The following KANK1 variants were observed in gnomAD, a reference collection of about 807,000 sequenced individuals.
KANK1 encodes the protein KN motif and ankyrin repeat domains 1, also known as KN motif and ankyrin repeat domain-containing protein 1.
Under a neutral mutation model 106.2 loss-of-function variants are expected in KANK1, and 109 were observed. The observed-to-expected ratio is 1.03, with a 90% CI of 0.88 to 1.20. The LOEUF is 1.20. Among genes scored for constraint, KANK1 ranks in the 50% most tolerant of loss-of-function variants. The pLI, the probability that KANK1 is intolerant of heterozygous loss-of-function variation, is 0.00. For missense variants in KANK1, 2,399 were observed against 1,710.7 expected (o/e 1.40, Z -7.10); for synonymous variants, 873 against 652.2 (o/e 1.34, Z -5.16).
At chr9:624,401 T>G (rs987129939) in intron 1 of KANK1, among the ~76,000 whole-genome samples, 3 of 151,858 alleles carry the variant, frequency 2.0e-5, no homozygotes, top group African/African-American at 7.2e-5. Flanking sequence ...GCAATCTATA[T>G]TTATATCAAA....
intron 2 of KANK1, among the ~76,000 whole-genome samples, chr9:690,718 G>A (rs1008664097): frequency 6.6e-6 from 1 of 152,192 alleles, no homozygotes. Flanking sequence ...AATGGAGCAG[G>A]CTCTCTGGGG....
chr9:734,659 C>G (rs1211925951), intron 6 of KANK1, 89 bp from the exon 7 acceptor site: 8 of 888,132 alleles, frequency 9.0e-6, no homozygotes, highest in Non-Finnish European at 1.4e-5. Context: ...GAGCATGACC[C>G]TGTCTCAAAA....
intron 2 of KANK1, among the ~76,000 whole-genome samples, chr9:705,136 T>C (rs2130587279): frequency 6.6e-6 from 1 of 151,950 alleles, no homozygotes; most frequent in East Asian, 1.9e-4. Context: ...TTAACACTAA[T>C]ATTTAACGAA....
At chr9:500,044 T>G (rs544684183), upstream of KANK1, among the ~76,000 whole-genome samples, 1 of 152,206 alleles carries the variant, frequency 6.6e-6, no homozygotes, top group African/African-American at 2.4e-5. Flanking sequence ...AGAGAACATC[T>G]TTTGCATGGG....
At chr9:620,707 A>G (rs1832949350) in intron 1 of KANK1, among the ~76,000 whole-genome samples, 1 of 152,138 alleles carries the variant, frequency 6.6e-6, no homozygotes, top group African/African-American at 2.4e-5. Flanking sequence ...TTAAAAATTA[A>G]AAAAATTTTT....
chr9:506,064 G>T (rs2058743113), intron 1 of KANK1, among the ~76,000 whole-genome samples: 1 of 152,162 alleles, frequency 6.6e-6, no homozygotes, highest in Non-Finnish European at 1.5e-5. Context: ...TCAAAATTCA[G>T]TGGTTTTTAA....
chr9:528,611 C>G lies in KANK1; in HGVS notation c.-84+23857C>G, dbSNP rs573235991. 9.5e-4 allele frequency among the ~76,000 whole-genome samples: 143 copies of G among 150,596 alleles called. 4 individuals are homozygous for G. The South Asian group carries it at 0.029, about 31-fold the overall frequency. On this transcript the variant is annotated intron_variant, in intron 1 of 11. Transcript: ENST00000382297. ...TGAAGCAATTCTCCAGTCTCAGCCT[C>G]TCAAGTAGCTGCGTTACAGGTGCCC... is the stretch of plus-strand genomic sequence containing the variant.
intron 1 of KANK1, among the ~76,000 whole-genome samples, chr9:568,536 T>C (rs1818382135): frequency 6.6e-6 from 1 of 152,010 alleles, no homozygotes; most frequent in Admixed American, 6.6e-5. Flanking sequence ...GTTGCCCAGG[T>C]TGGAGTGCAG....
chr9:603,171 C>T (rs569012739), intron 1 of KANK1, among the ~76,000 whole-genome samples: 4 of 151,696 alleles, frequency 2.6e-5, no homozygotes, highest in African/African-American at 4.9e-5. Flanking sequence ...TCCTCTGGAC[C>T]GTGGCATTGT....
chr9:732,342 C>T, intron 5 of KANK1, 36 bp from the exon 6 acceptor site: 9 of 1,592,296 alleles, frequency 5.7e-6, no homozygotes, highest in Non-Finnish European at 7.7e-6. Flanking sequence ...TTCGTGAGCA[C>T]ACCTTGCATC....
chr9:534,455 C>T (rs962267013), intron 1 of KANK1, among the ~76,000 whole-genome samples: 1 of 152,136 alleles, frequency 6.6e-6, no homozygotes, highest in Non-Finnish European at 1.5e-5. Context: ...AGGAGATTTT[C>T]TCGAAAGAAA....
intron 4 of KANK1, 86 bp downstream of exon 4, chr9:730,334 A>T (rs780717825): frequency 1.7e-5 from 22 of 1,308,880 alleles, no homozygotes; most frequent in Non-Finnish European, 2.3e-5. Flanking sequence ...TGTACCTTTT[A>T]AATTGACCTG....
rs112517899 is a variant in KANK1 at position 731,173 on chromosome 9, A to G, written c.2912A>G (p.Glu971Gly). The G allele has an allele frequency of 3.1e-6, 5 of 1,605,550 alleles. No homozygotes were observed. The highest frequency in any genetic ancestry group is 3.3e-5 in the Admixed American group (2 of 59,808). ...TTTTTCACAGCATGTACAAACAATGAAAGTACACTGAAGTCCATCATGAAG... is the reference window on the plus strand; with the variant it reads ...TTTTTCACAGCATGTACAAACAATGGAAGTACACTGAAGTCCATCATGAAG... ...AAGLYACTNN[E>G]STLKSIMKKK... The change falls in exon 5 of 12, where the codon GAA (glutamate) becomes GGA (glycine). Residue 971 changes from glutamate (E) to glycine (G), a missense_variant. Glu to Gly is a moderately conservative substitution (Grantham distance 98). Coordinates refer to ENST00000382297, the MANE Select transcript of KANK1 (RefSeq NM_015158.5).
chr9:709,104 A>G (rs1009926714), intron 2 of KANK1, among the ~76,000 whole-genome samples: 1 of 152,184 alleles, frequency 6.6e-6, no homozygotes, highest in Non-Finnish European at 1.5e-5. Context: ...TCATGACAAT[A>G]CAAAACAAGG....
At position 476,702 on chromosome 9, in the gene KANK1, C is replaced by T. The variant is rs535827952; in HGVS notation, c.-362+3429C>T. On this transcript the variant is annotated intron_variant, in intron 3 of 15. Transcript: ENST00000382303. ...GATTTTGGCCATGATGGACTCTGTT[C>T]TCTGCACACTAAGAGATTTATCTTC... 7 of 152,296 alleles carry T rather than the reference C, an allele frequency of 4.6e-5. No individual in the cohort carries two copies. The South Asian group carries it at 1.2e-3, about 27-fold the overall frequency. The allele number at this position is 152,296 out of a possible 1,614,324, so 9.4% of individuals were successfully genotyped here. A position where few individuals can be genotyped will look rare whatever the true frequency, so the allele number is the denominator to read the frequency against.
intron 1 of KANK1, among the ~76,000 whole-genome samples, chr9:667,325 G>T (rs925526097): frequency 1.3e-5 from 2 of 151,600 alleles, no homozygotes; most frequent in African/African-American, 4.8e-5. Context: ...TTTTTAGTTA[G>T]TCTTGCTAAA....
chr9:581,273 C>T (rs71509964), intron 1 of KANK1, among the ~76,000 whole-genome samples: 306 of 152,276 alleles, frequency 2.0e-3, no homozygotes, highest in Middle Eastern at 0.01. Flanking sequence ...GAGGGGGCGC[C>T]GAGAGCAGGC....
At chr9:517,017 A>T (rs551859387) in intron 1 of KANK1, among the ~76,000 whole-genome samples, 1 of 151,684 alleles carries the variant, frequency 6.6e-6, no homozygotes, top group South Asian at 2.1e-4. Context: ...ACACACACAC[A>T]CACACACACA....
At chr9:740,506 C>T (rs1367097014) in intron 8 of KANK1, among the ~76,000 whole-genome samples, 4 of 152,212 alleles carry the variant, frequency 2.6e-5, no homozygotes, top group African/African-American at 7.2e-5. Flanking sequence ...GAACAACCAC[C>T]CTGACTTCCA....
Sources: gnomAD v4.1 joint callset for allele counts (sites outside exome capture counted in the v4.1 genomes callset) on GRCh38, gnomAD v4.1.1 for gene constraint, MANE v1.5 for transcripts, NCBI Gene and HGNC (gene_info 2026-07-23, HGNC 2026-07-21) for gene names.